PDE4B: variants seen among roughly 807,000 people sequenced by gnomAD.
PDE4B encodes the protein phosphodiesterase 4B.
Under a neutral mutation model 82.2 loss-of-function variants are expected in PDE4B, and 20 were observed. That is an observed-to-expected ratio of 0.24 (90% CI 0.17 to 0.35). PDE4B has a LOEUF of 0.35. Among genes scored for constraint, PDE4B ranks in the 10% least tolerant of loss-of-function variants. PDE4B has a pLI of 1.00. For synonymous variants in PDE4B, 320 were observed against 318.9 expected (o/e 1.00, Z -0.04); for missense variants, 655 against 907.2 (o/e 0.72, Z 3.57).
intron 13 of PDE4B, 77 bp downstream of exon 13, chr1:66,365,843 A>T: frequency 1.3e-6 from 1 of 767,154 alleles, no homozygotes. Context: ...TAATGTTTTC[A>T]TTATGGATAA....
chr1:66,241,490 G>A (rs147453673), intron 3 of PDE4B, among the ~76,000 whole-genome samples: 18 of 152,226 alleles, frequency 1.2e-4, no homozygotes, highest in African/African-American at 4.3e-4. Flanking sequence ...AGCATTTGAA[G>A]ACATTCATTT....
intron 3 of PDE4B, among the ~76,000 whole-genome samples, chr1:66,204,740 A>G (rs513669): frequency 0.95 from 144,614 of 152,278 alleles, 69,068 homozygotes; most frequent in East Asian, 1. Flanking sequence ...TCCAGGTGCC[A>G]TCTGTCAACC....
chr1:66,131,755 A>G (rs1256427721), intron 3 of PDE4B, among the ~76,000 whole-genome samples: 1 of 151,376 alleles, frequency 6.6e-6, no homozygotes, highest in African/African-American at 2.4e-5. Flanking sequence ...GTTCTAAGCA[A>G]TGGGAATAGA....
At chr1:66,198,883 A>G (rs1432191806) in intron 3 of PDE4B, among the ~76,000 whole-genome samples, 3 of 151,370 alleles carry the variant, frequency 2.0e-5, no homozygotes, top group African/African-American at 7.3e-5. Context: ...TCCTTGTGAT[A>G]GTTTTCTGAG....
At chr1:66,358,721 G>T (rs188559071) in intron 9 of PDE4B, among the ~76,000 whole-genome samples, 15 of 151,046 alleles carry the variant, frequency 9.9e-5, no homozygotes, top group African/African-American at 3.2e-4. Flanking sequence ...AATATAAAAG[G>T]TTCCTGTAAG....
chr1:65,825,788 T>A (rs2101266151), intron 1 of PDE4B, among the ~76,000 whole-genome samples: 1 of 152,036 alleles, frequency 6.6e-6, no homozygotes, highest in South Asian at 2.1e-4. Context: ...TTTTCTGTTA[T>A]CTGTCCTGAA....
At chr1:65,920,283 C>T (rs1030972125) in intron 3 of PDE4B, among the ~76,000 whole-genome samples, 2 of 152,202 alleles carry the variant, frequency 1.3e-5, no homozygotes, top group Non-Finnish European at 2.9e-5. Flanking sequence ...CTACTACTCT[C>T]GCAGACTATT....
chr1:66,330,532 G>A (rs1346791946), intron 7 of PDE4B, among the ~76,000 whole-genome samples: 1 of 152,198 alleles, frequency 6.6e-6, no homozygotes, highest in Non-Finnish European at 1.5e-5. Flanking sequence ...CTAGGAGCAA[G>A]CTACTTTCTC....
intron 7 of PDE4B, among the ~76,000 whole-genome samples, chr1:66,307,593 C>G (rs1242992772): frequency 6.6e-6 from 1 of 152,112 alleles, no homozygotes; most frequent in Non-Finnish European, 1.5e-5. Context: ...AATGTCTTGA[C>G]ATAATGACTG....
intron 7 of PDE4B, among the ~76,000 whole-genome samples, chr1:66,305,131 A>T (rs1310556271): frequency 6.6e-6 from 1 of 152,146 alleles, no homozygotes; most frequent in Non-Finnish European, 1.5e-5. Context: ...ATAAGGAGTG[A>T]CTGGAAAGCA....
chr1:65,924,613 G>A (rs1647402230), intron 3 of PDE4B, among the ~76,000 whole-genome samples: 1 of 152,086 alleles, frequency 6.6e-6, no homozygotes, highest in Non-Finnish European at 1.5e-5. Context: ...ATCCAGCTGT[G>A]GCTTAGCTGT....
intron 3 of PDE4B, among the ~76,000 whole-genome samples, chr1:66,189,505 C>A (rs1316106149): frequency 6.6e-6 from 1 of 152,208 alleles, no homozygotes; most frequent in Non-Finnish European, 1.5e-5. Context: ...CACATAGTCC[C>A]ATATTTCTTG....
intron 3 of PDE4B, among the ~76,000 whole-genome samples, chr1:66,169,850 A>C (rs1646805439): frequency 6.6e-6 from 1 of 152,220 alleles, no homozygotes; most frequent in Admixed American, 6.5e-5. Context: ...AAAATCCTAC[A>C]CGCATCATGG....
At chr1:65,860,568 G>T (rs866973793) in intron 1 of PDE4B, among the ~76,000 whole-genome samples, 1 of 152,176 alleles carries the variant, frequency 6.6e-6, no homozygotes, top group African/African-American at 2.4e-5. Flanking sequence ...ACCCAGTAAT[G>T]GGATTGCTGG....
rs1358478034 is a variant in PDE4B, at chr1:65,792,966, G to GC, written c.-350dup. 6.6e-6 allele frequency among the ~76,000 whole-genome samples: 1 copy of GC among 151,790 alleles called. No individual in the cohort carries two copies. The highest frequency in any genetic ancestry group is 2.4e-5 in the African/African-American group (1 of 41,382). On this transcript the variant is annotated 5_prime_UTR_variant, in exon 1 of 17. Coordinates refer to ENST00000341517, the MANE Select transcript of PDE4B (RefSeq NM_002600.4). ...TCCCTGGCGCGGGTTCCCCAGGCTAGCCCGCTGGCCCGTCCGCGCGCGCGC... is the reference window on the plus strand; with the variant it reads ...TCCCTGGCGCGGGTTCCCCAGGCTAGCCCCGCTGGCCCGTCCGCGCGCGCGC...
At chr1:66,319,204 A>G (rs1352935256) in intron 7 of PDE4B, among the ~76,000 whole-genome samples, 1 of 152,180 alleles carries the variant, frequency 6.6e-6, no homozygotes, top group East Asian at 1.9e-4. Context: ...TAGGCAGATG[A>G]AAGAGATTTT....
intron 3 of PDE4B, among the ~76,000 whole-genome samples, chr1:66,075,567 A>G (rs1310828108): frequency 2.0e-5 from 3 of 152,050 alleles, no homozygotes; most frequent in African/African-American, 7.2e-5. Flanking sequence ...ATCCATTTAT[A>G]ATACTGACCA....
intron 1 of PDE4B, among the ~76,000 whole-genome samples, chr1:65,825,028 C>A (rs1178838115): frequency 6.6e-6 from 1 of 152,198 alleles, no homozygotes; most frequent in South Asian, 2.1e-4. Flanking sequence ...CAGTAGCAGA[C>A]ATGATTAACT....
intron 1 of PDE4B, among the ~76,000 whole-genome samples, chr1:65,795,414 C>T (rs144672783): frequency 6.6e-6 from 1 of 152,332 alleles, no homozygotes; most frequent in Admixed American, 6.5e-5. Flanking sequence ...ATGTTGCTGA[C>T]CACAAAACAA....
Sources: gnomAD v4.1 joint callset for allele counts (sites outside exome capture counted in the v4.1 genomes callset) on GRCh38, gnomAD v4.1.1 for gene constraint, MANE v1.5 for transcripts, NCBI Gene and HGNC (gene_info 2026-07-23, HGNC 2026-07-21) for gene names.